The following ADCK1 variants were observed in gnomAD, a reference collection of about 807,000 sequenced individuals.
The protein encoded by ADCK1 is aarF domain-containing protein kinase 1.
A neutral mutation model predicts 52.3 loss-of-function variants in ADCK1; 41 were observed. The ratio of observed to expected loss-of-function variants is 0.78; its 90% CI spans 0.61 to 1.02. The LOEUF (loss-of-function observed/expected upper bound fraction) is 1.02. Ranked by LOEUF, ADCK1 falls within the 50% of genes least tolerant of loss-of-function variation. The pLI is 0.00. For missense variants in ADCK1, 658 were observed against 679.5 expected (o/e 0.97, Z 0.35); for synonymous variants, 250 against 274.6 (o/e 0.91, Z 0.89).
intron 1 of ADCK1, among the ~76,000 whole-genome samples, chr14:77,817,890 C>A (rs1043355106): frequency 7.1e-6 from 1 of 141,774 alleles, no homozygotes; most frequent in African/African-American, 2.7e-5. Context: ...CGCCCGCCAC[C>A]ACGCCTGGCT....
Position 77,922,326 on chromosome 14 carries a change from A to T in ADCK1, c.859-2131A>T, listed in dbSNP as rs534918684. ...AAAGTCCTGCTCCTAAGGCCAACAGACACTGAGTGCAGGGATGTCTGTTTC... is the reference window on the plus strand; with the variant it reads ...AAAGTCCTGCTCCTAAGGCCAACAGTCACTGAGTGCAGGGATGTCTGTTTC... On this transcript the variant is annotated intron_variant, in intron 7 of 10. Transcript: ENST00000238561. 3.3e-5 allele frequency among the ~76,000 whole-genome samples: 5 copies of T among 152,320 alleles called. No homozygotes were observed. The South Asian group carries it at 1.0e-3, about 32-fold the overall frequency.
At chr14:77,858,925 A>C in intron 3 of ADCK1, 151 bp from the exon 4 acceptor site, 2 of 647,244 alleles carry the variant, frequency 3.1e-6, no homozygotes, top group Admixed American at 2.9e-5. Flanking sequence ...ACCAAGGGAA[A>C]AGGTGTGTGT....
intron 4 of ADCK1, among the ~76,000 whole-genome samples, chr14:77,865,747 C>T (rs1041026611): frequency 6.6e-6 from 1 of 152,224 alleles, no homozygotes; most frequent in Non-Finnish European, 1.5e-5. Flanking sequence ...CTTAACCTCT[C>T]TGTCCTGTCC....
intron 1 of ADCK1, among the ~76,000 whole-genome samples, chr14:77,803,436 G>A (rs2081154450): frequency 6.6e-6 from 1 of 152,182 alleles, no homozygotes; most frequent in Non-Finnish European, 1.5e-5. Context: ...CACTGACTCC[G>A]ATGAACAGTA....
At chr14:77,905,085 C>A (rs2083629559) in intron 6 of ADCK1, among the ~76,000 whole-genome samples, 1 of 152,084 alleles carries the variant, frequency 6.6e-6, no homozygotes, top group South Asian at 2.1e-4. Flanking sequence ...TCTGAAGCTC[C>A]CATGACAAAT....
chr14:77,916,326 C>A (rs1230869734), intron 7 of ADCK1, among the ~76,000 whole-genome samples: 1 of 151,944 alleles, frequency 6.6e-6, no homozygotes, highest in Non-Finnish European at 1.5e-5. Flanking sequence ...CATTAAATAC[C>A]CCATGCCATG....
At chr14:77,922,006 T>G (rs917405230) in intron 7 of ADCK1, among the ~76,000 whole-genome samples, 6 of 152,246 alleles carry the variant, frequency 3.9e-5, no homozygotes, top group Non-Finnish European at 4.4e-5. Context: ...GCTGCACTGC[T>G]TATCTTGGGC....
At chr14:77,890,198 T>G (rs2083254977) in intron 5 of ADCK1, among the ~76,000 whole-genome samples, 1 of 152,256 alleles carries the variant, frequency 6.6e-6, no homozygotes, top group Non-Finnish European at 1.5e-5. Flanking sequence ...GAAACTCATC[T>G]GTTTTATGCA....
At chr14:77,813,243 C>G (rs889006339) in intron 1 of ADCK1, among the ~76,000 whole-genome samples, 4 of 151,680 alleles carry the variant, frequency 2.6e-5, no homozygotes, top group Admixed American at 2.0e-4. Context: ...CTCAGGTGAT[C>G]CACCTGCCTC....
intron 5 of ADCK1, among the ~76,000 whole-genome samples, chr14:77,894,125 T>A (rs531736019): frequency 9.2e-5 from 14 of 152,346 alleles, no homozygotes; most frequent in Admixed American, 7.2e-4. Context: ...TTTTATTTTT[T>A]AAAATATATA....
chr14:77,865,007 C>T (rs1381958377), intron 4 of ADCK1, among the ~76,000 whole-genome samples: 2 of 152,048 alleles, frequency 1.3e-5, no homozygotes, highest in Non-Finnish European at 2.9e-5. Context: ...CTTGGCTGGG[C>T]ACAGTGGCTC....
At chr14:77,866,870 G>A (rs1056854031) in intron 4 of ADCK1, among the ~76,000 whole-genome samples, 9 of 152,088 alleles carry the variant, frequency 5.9e-5, no homozygotes, top group Non-Finnish European at 1.0e-4. Flanking sequence ...GAGCAGAAGC[G>A]GGGCAGGAGA....
intron 4 of ADCK1, among the ~76,000 whole-genome samples, chr14:77,865,056 A>G (rs1417856249): frequency 6.6e-6 from 1 of 150,636 alleles, no homozygotes; most frequent in Non-Finnish European, 1.5e-5. Context: ...CTGAGATGGG[A>G]GGATTGCTTG....
intron 5 of ADCK1, among the ~76,000 whole-genome samples, chr14:77,889,734 G>T (rs1201499282): frequency 2.0e-5 from 3 of 152,142 alleles, no homozygotes; most frequent in African/African-American, 4.8e-5. Flanking sequence ...AACCAAATAG[G>T]GTAAAATAGT....
intron 9 of ADCK1, among the ~76,000 whole-genome samples, chr14:77,930,653 C>A (rs2084307373): frequency 6.6e-6 from 1 of 152,190 alleles, no homozygotes; most frequent in South Asian, 2.1e-4. Context: ...CTTCTCAATG[C>A]CTGTGTTTCC....
At chr14:77,827,456 C>CTT (rs61564212) in intron 3 of ADCK1, among the ~76,000 whole-genome samples, 6,401 of 148,548 alleles carry the variant, frequency 0.043, 273 homozygotes, top group African/African-American at 0.11. Flanking sequence ...CCAGGAAATT[C>CTT]TTTTTTTTTT....
At chr14:77,840,422 G>A (rs1199164942) in intron 3 of ADCK1, among the ~76,000 whole-genome samples, 1 of 151,912 alleles carries the variant, frequency 6.6e-6, no homozygotes, top group Admixed American at 6.6e-5. Flanking sequence ...GTGACATCTG[G>A]CTAAGTCCTT....
chr14:77,901,190 AT>A (rs2083534059), intron 6 of ADCK1, among the ~76,000 whole-genome samples: 1 of 150,890 alleles, frequency 6.6e-6, no homozygotes, highest in Admixed American at 6.6e-5. Context: ...GATCATAGGC[AT>A]GTGCCACCAT....
At chr14:77,902,197 G>T (rs12433306) in intron 6 of ADCK1, among the ~76,000 whole-genome samples, 83 of 152,282 alleles carry the variant, frequency 5.5e-4, no homozygotes, top group African/African-American at 1.9e-3. Flanking sequence ...TTGAGAATCC[G>T]CAGGAGGAAG....
Sources: gnomAD v4.1 joint callset for allele counts (sites outside exome capture counted in the v4.1 genomes callset) on GRCh38, gnomAD v4.1.1 for gene constraint, MANE v1.5 for transcripts, NCBI Gene and HGNC (gene_info 2026-07-23, HGNC 2026-07-21) for gene names.